The following ERCC6 variants were observed in gnomAD, a reference collection of about 807,000 sequenced individuals.
ERCC6 encodes the protein ERCC excision repair 6, chromatin remodeling factor.
Under a neutral mutation model 158.7 loss-of-function variants are expected in ERCC6, and 116 were observed. That is an observed-to-expected ratio of 0.73 (90% CI 0.63 to 0.85). The LOEUF (loss-of-function observed/expected upper bound fraction) is 0.85. ERCC6 is among the 40% of genes least tolerant of loss of function. The pLI is 0.00. For missense variants in ERCC6, 1,698 were observed against 1,799.4 expected (o/e 0.94, Z 1.02); for synonymous variants, 678 against 659.3 (o/e 1.03, Z -0.43).
At chr10:49,506,393 T>C in intron 5 of ERCC6, 1 of 175,206 alleles carries the variant, frequency 5.7e-6, no homozygotes, top group South Asian at 8.8e-5. Flanking sequence ...ACAACCGCAA[T>C]ACTATGTAAC....
chr10:49,532,405 G>T, intron 2 of ERCC6, 138 bp downstream of exon 2: 2 of 1,342,972 alleles, frequency 1.5e-6, no homozygotes, highest in Non-Finnish European at 2.0e-6. Context: ...GTTGAGGACT[G>T]CCCTTATTGA....
intron 5 of ERCC6, among the ~76,000 whole-genome samples, chr10:49,517,528 C>T (rs1837017684): frequency 1.3e-5 from 2 of 152,140 alleles, no homozygotes; most frequent in East Asian, 1.9e-4. Flanking sequence ...ACATGCTTAG[C>T]GTTCCAATAA....
intron 16 of ERCC6, among the ~76,000 whole-genome samples, chr10:49,471,885 T>C (rs1158981015): frequency 1.3e-5 from 2 of 152,190 alleles, no homozygotes; most frequent in Non-Finnish European, 2.9e-5. Flanking sequence ...AAGTTACCAC[T>C]GTCTAAAATC....
chr10:49,445,239 T>C, the ERCC6 span, among the ~76,000 whole-genome samples: 5 of 152,354 alleles, frequency 3.3e-5, no homozygotes, highest in East Asian at 9.6e-4. Context: ...CACATATGCT[T>C]CACACATGCA....
chr10:49,472,593 G>A (rs1850800687), intron 15 of ERCC6, 123 bp from the exon 16 acceptor site: 9 of 996,678 alleles, frequency 9.0e-6, no homozygotes, highest in East Asian at 7.4e-5. Context: ...GACTCATGAC[G>A]TCAAGTACAC....
chr10:49,533,018 G>A, intron 1 of ERCC6, 40 bp from the exon 2 acceptor site: 1 of 1,599,520 alleles, frequency 6.3e-7, no homozygotes, highest in Non-Finnish European at 8.5e-7. Context: ...CGTTATATAG[G>A]ATTCATTGTA....
the ERCC6 span, among the ~76,000 whole-genome samples, chr10:49,445,710 T>C: frequency 1.3e-5 from 2 of 152,202 alleles, no homozygotes; most frequent in Non-Finnish European, 2.9e-5. Context: ...GCTGAGATCT[T>C]AGCAAAGTCA....
intron 5 of ERCC6, among the ~76,000 whole-genome samples, chr10:49,513,220 G>A (rs1173698385): frequency 6.6e-6 from 1 of 152,150 alleles, no homozygotes; most frequent in Non-Finnish European, 1.5e-5. Flanking sequence ...TACTCGGCTA[G>A]GCTCTGGCAC....
In ERCC6 at chr10:49,476,201, A is replaced by AT. The variant is rs772933396; in HGVS notation, c.2382+13dup. 3.2e-6 allele frequency: 5 copies of AT among 1,582,442 alleles called. No homozygotes were observed. In the South Asian group the frequency reaches 5.5e-5, roughly 17 times the overall value. On this transcript the variant is annotated intron_variant, in intron 12 of 20. Coordinates refer to ENST00000355832, the MANE Select transcript of ERCC6 (RefSeq NM_000124.4). ...TCCACAATTCATTTCTCCAGCTTCT[A>AT]TTTTTTAGCTGACCTGCATCTCTCC...
chr10:49,515,577 A>G, intron 5 of ERCC6: 1 of 1,614,172 alleles, frequency 6.2e-7, no homozygotes, highest in Non-Finnish European at 8.5e-7. Flanking sequence ...ACGAAACTCC[A>G]GAAAATCCAC....
At position 49,471,155 on chromosome 10, in the gene ERCC6, T is replaced by C. The variant is rs763263119; in HGVS notation, c.2925-35A>G. The C allele has an allele frequency of 5.6e-6, 9 of 1,606,692 alleles. No individual in the cohort carries two copies. In the South Asian group the frequency reaches 7.7e-5, roughly 14 times the overall value. On this transcript the variant is annotated intron_variant, in intron 16 of 20. Coordinates refer to ENST00000355832, the MANE Select transcript of ERCC6 (RefSeq NM_000124.4). Reference sequence around the variant, plus strand: ...TAAAAGATAAGCTGGTATAAAACAATGTGTAGCTCTACCTAAAAATTCAAG... The same window carrying C: ...TAAAAGATAAGCTGGTATAAAACAACGTGTAGCTCTACCTAAAAATTCAAG...
downstream of ERCC6, among the ~76,000 whole-genome samples, chr10:49,450,405 T>A (rs1017033181): frequency 2.6e-5 from 4 of 152,248 alleles, no homozygotes; most frequent in Non-Finnish European, 4.4e-5. Flanking sequence ...TCTTAATTAC[T>A]ATTGTTTTGT....
chr10:49,478,241 CA>C lies in ERCC6; in HGVS notation c.2286+112del, dbSNP rs1338177437. 2.2e-5 allele frequency: 19 copies of C among 860,980 alleles called. No homozygotes were observed. In the East Asian group the frequency reaches 4.6e-4, roughly 21 times the overall value. The allele number at this position is 860,980 out of a possible 1,614,324, so 53.3% of individuals were successfully genotyped here. A position where few individuals can be genotyped will look rare whatever the true frequency, so the allele number is the denominator to read the frequency against. On this transcript the variant is annotated intron_variant, in intron 11 of 20. Coordinates refer to ENST00000355832, the MANE Select transcript of ERCC6 (RefSeq NM_000124.4). ...CGCCACAGCGGGCCTAGCCTGCCCA[CA>C]GTTCCAGGATCATACCTCACCAGAC...
In ERCC6 at chr10:49,459,154, G is replaced by A. The variant is rs375921453; in HGVS notation, c.4143C>T (p.Ser1381=). Residue 1381 remains serine, a synonymous_variant, in exon 21 of 21, where the codon TCC becomes TCT. Coordinates refer to ENST00000355832, the MANE Select transcript of ERCC6 (RefSeq NM_000124.4). ...AGAGTGAGGAGGAAGCGAGGGGCCC[G>A]GATGAAGAGTCTGCATCTTCTGCTC... is the stretch of plus-strand genomic sequence containing the variant. ...SGRAEDADSS[S]GPLASSSLLA... is the part of the protein sequence containing the mutation. The A allele has an allele frequency of 4.0e-5, 64 of 1,614,032 alleles. No homozygotes were observed. The highest frequency in any genetic ancestry group is 2.0e-4 in the Admixed American group (12 of 59,998).
the ERCC6 span, among the ~76,000 whole-genome samples, chr10:49,447,326 C>T: frequency 9.9e-5 from 15 of 152,164 alleles, no homozygotes; most frequent in East Asian, 5.8e-4. Flanking sequence ...CAATGTTGTG[C>T]GATCACCACT....
chr10:49,498,356 C>T (rs1438676571), intron 7 of ERCC6, among the ~76,000 whole-genome samples: 1 of 152,192 alleles, frequency 6.6e-6, no homozygotes, highest in Non-Finnish European at 1.5e-5. Context: ...TAACAGCTCA[C>T]ACAGAACTTC....
At chr10:49,497,436 T>C (rs1332870696) in intron 7 of ERCC6, among the ~76,000 whole-genome samples, 1 of 152,250 alleles carries the variant, frequency 6.6e-6, no homozygotes, top group Non-Finnish European at 1.5e-5. Flanking sequence ...TCTTTTATAA[T>C]GTGCCTTCTG....
chr10:49,435,084 G>A, the ERCC6 span, among the ~76,000 whole-genome samples: 2 of 152,054 alleles, frequency 1.3e-5, no homozygotes, highest in African/African-American at 4.8e-5. Context: ...GCATTATTAG[G>A]GTGAAAGAGG....
intron 4 of ERCC6, 47 bp from the exon 5 acceptor site, chr10:49,524,824 G>A (rs938319077): frequency 3.3e-5 from 52 of 1,596,552 alleles, no homozygotes; most frequent in Non-Finnish European, 3.9e-5. Flanking sequence ...GAAACTTTCC[G>A]AGGGTACAAA....
Sources: allele counts gnomAD v4.1 joint callset (sites outside exome capture counted in the v4.1 genomes callset), GRCh38; gene constraint gnomAD v4.1.1; transcripts MANE v1.5; gene names NCBI Gene and HGNC (gene_info 2026-07-23, HGNC 2026-07-21).